The following BICD1 variants were observed in gnomAD, a reference collection of about 807,000 sequenced individuals.
BICD1 encodes the protein BICD cargo adaptor 1.
In BICD1, 35 loss-of-function variants were observed where a neutral mutation model predicts 92.5. That is an observed-to-expected ratio of 0.38 (90% CI 0.29 to 0.50). The LOEUF is 0.50. Ranked by LOEUF, BICD1 falls within the 20% of genes least tolerant of loss-of-function variation. BICD1 has a pLI of 0.93. For missense variants in BICD1, 950 were observed against 1,189.8 expected (o/e 0.80, Z 2.97); for synonymous variants, 429 against 465.1 (o/e 0.92, Z 1.00).
intron 2 of BICD1, among the ~76,000 whole-genome samples, chr12:32,267,633 CTTAT>C (rs56209145): frequency 0.058 from 8,748 of 151,904 alleles, 295 homozygotes; most frequent in South Asian, 0.11. Context: ...TTTTTTGTTT[CTTAT>C]TTAAGAAATT....
chr12:32,312,173 G>T (rs7972212), intron 4 of BICD1, among the ~76,000 whole-genome samples: 34,454 of 150,734 alleles, frequency 0.23, 4,320 homozygotes, highest in East Asian at 0.59. Context: ...ATTTGTCTCT[G>T]CCATGCCTTT....
intron 3 of BICD1, among the ~76,000 whole-genome samples, chr12:32,300,969 G>A (rs1454956058): frequency 6.6e-6 from 1 of 151,984 alleles, no homozygotes; most frequent in Non-Finnish European, 1.5e-5. Context: ...CAGTATTTAA[G>A]CAGGCCTGAA....
chr12:32,175,683 T>TA (rs2121518670), intron 1 of BICD1, among the ~76,000 whole-genome samples: 1 of 152,304 alleles, frequency 6.6e-6, no homozygotes, highest in South Asian at 2.1e-4. Flanking sequence ...CCCAATTTTT[T>TA]CCTTAACTTT....
At chr12:32,319,713 G>T (rs1214554851) in intron 4 of BICD1, among the ~76,000 whole-genome samples, 1 of 152,054 alleles carries the variant, frequency 6.6e-6, no homozygotes, top group Non-Finnish European at 1.5e-5. Flanking sequence ...AAGTAGCTAG[G>T]ATTACAGGTG....
intron 1 of BICD1, among the ~76,000 whole-genome samples, chr12:32,161,706 A>G (rs781241664): frequency 5.3e-5 from 8 of 152,220 alleles, no homozygotes; most frequent in Admixed American, 4.6e-4. Flanking sequence ...TTGAATTCAT[A>G]TAGTTATTTT....
intron 1 of BICD1, among the ~76,000 whole-genome samples, chr12:32,117,938 C>T (rs1281655389): frequency 2.7e-5 from 4 of 150,844 alleles, no homozygotes; most frequent in Non-Finnish European, 5.9e-5. Flanking sequence ...TTAGTAGAGA[C>T]AGGGTTTCTC....
At chr12:32,147,208 A>C (rs1272412209) in intron 1 of BICD1, among the ~76,000 whole-genome samples, 3 of 152,162 alleles carry the variant, frequency 2.0e-5, no homozygotes, top group Admixed American at 1.3e-4. Context: ...CTGGGATTAC[A>C]TATATGAGCC....
chr12:32,377,714 C>T lies in BICD1; in HGVS notation c.*87C>T. Reference sequence around the variant, plus strand: ...CCCAAGATCCAGCGGGTGTTTTCTTCTCGGTTGTTAGATGTACAATTGGAT... The same window carrying T: ...CCCAAGATCCAGCGGGTGTTTTCTTTTCGGTTGTTAGATGTACAATTGGAT... On this transcript the variant is annotated 3_prime_UTR_variant, in exon 10 of 10. Coordinates refer to ENST00000652176, the MANE Select transcript of BICD1 (RefSeq NM_001714.4). The T allele has an allele frequency of 8.2e-7, 1 of 1,223,766 alleles. No homozygotes were observed. Among genetic ancestry groups the T allele is most frequent in the Non-Finnish European group, 1.2e-6 (1 of 830,716 alleles). The allele number at this position is 1,223,766 out of a possible 1,614,324, so 75.8% of individuals were successfully genotyped here. A position where few individuals can be genotyped will look rare whatever the true frequency, so the allele number is the denominator to read the frequency against.
At chr12:32,147,584 T>C (rs759927614) in intron 1 of BICD1, among the ~76,000 whole-genome samples, 1 of 152,246 alleles carries the variant, frequency 6.6e-6, no homozygotes, top group African/African-American at 2.4e-5. Context: ...AAAAACATCT[T>C]CAAGGCTCCT....
Position 32,142,453 on chromosome 12 carries a change from CCTAT to C in BICD1, c.213+34942_213+34945del, listed in dbSNP as rs71065001. 2.4e-3 allele frequency among the ~76,000 whole-genome samples: 267 copies of C among 112,890 alleles called. 5 individuals carry two copies. In the South Asian group the frequency reaches 0.029, roughly 12 times the overall value. 74.1% of individuals were successfully genotyped at this position (112,890 alleles called of 152,430 possible). On this transcript the variant is annotated intron_variant, in intron 1 of 9. Coordinates refer to ENST00000652176, the MANE Select transcript of BICD1 (RefSeq NM_001714.4). ...AAAACAAAAAACCCCACCTATCTAT[CCTAT>C]CTATCTATCTATCTATCTATCTATC... is the stretch of plus-strand genomic sequence containing the variant.
chr12:32,326,863 A>G lies in BICD1; in HGVS notation c.1006-598A>G, dbSNP rs185870778. On this transcript the variant is annotated intron_variant, in intron 4 of 9. Coordinates refer to ENST00000652176, the MANE Select transcript of BICD1 (RefSeq NM_001714.4). ...GTGCCACTGCACTCCAGTGTGGGTG[A>G]CAGAGCGAGACCCTGTCTTAAAAAA... 1.9e-3 allele frequency among the ~76,000 whole-genome samples: 294 copies of G among 152,326 alleles called. 1 individual carries two copies. Among genetic ancestry groups the G allele is most frequent in the Non-Finnish European group, 8.5e-4 (58 of 68,032 alleles).
chr12:32,275,944 C>T (rs1947263413), intron 2 of BICD1, among the ~76,000 whole-genome samples: 1 of 152,092 alleles, frequency 6.6e-6, no homozygotes, highest in South Asian at 2.1e-4. Flanking sequence ...GGCCAAGAAC[C>T]CCAGGTCAGA....
chr12:32,231,126 G>A (rs887296762), intron 2 of BICD1, among the ~76,000 whole-genome samples: 9 of 151,994 alleles, frequency 5.9e-5, no homozygotes, highest in African/African-American at 1.9e-4. Context: ...AGGTTATTTT[G>A]GGGAGATGAT....
chr12:32,294,910 C>T (rs1486337474), intron 3 of BICD1, among the ~76,000 whole-genome samples: 1 of 151,448 alleles, frequency 6.6e-6, no homozygotes, highest in Non-Finnish European at 1.5e-5. Flanking sequence ...GATGAAACCC[C>T]GTCTCTACTA....
Position 32,191,927 on chromosome 12 carries a change from A to G in BICD1, c.214-24320A>G, listed in dbSNP as rs533519930. ...TGAGACACAACAGTATTGAGATTAA[A>G]CCAATTAATAACCCTATAATGGCCT... On this transcript the variant is annotated intron_variant, in intron 1 of 9. Coordinates refer to ENST00000652176, the MANE Select transcript of BICD1 (RefSeq NM_001714.4). 3.3e-5 allele frequency among the ~76,000 whole-genome samples: 5 copies of G among 152,064 alleles called. No homozygotes were observed. The South Asian group carries it at 1.0e-3, about 32-fold the overall frequency.
rs750663918 is a variant in BICD1, at chr12:32,327,880, G to C, written c.1425G>C (p.Glu475Asp). ...CAAGCCTTGAGAAGACCACCAAGGAGAGTGGTGAGAAGATGGCCCACATGG... is the reference window on the plus strand; with the variant it reads ...CAAGCCTTGAGAAGACCACCAAGGACAGTGGTGAGAAGATGGCCCACATGG... ...QVTSLEKTTK[E>D]SGEKMAHMEK... The change falls in exon 5 of 10, where the codon GAG becomes GAC. Residue 475 changes from glutamate (E) to aspartate (D), a missense_variant. Glu to Asp is a conservative substitution (Grantham distance 45). This residue lies in a region of BICD1 where 309 missense variants were observed against 499.4 expected (regional missense o/e 0.62). Coordinates refer to ENST00000652176, the MANE Select transcript of BICD1 (RefSeq NM_001714.4). 5.0e-6 allele frequency: 8 copies of C among 1,614,058 alleles called. No homozygotes were observed. Among genetic ancestry groups the C allele is most frequent in the Non-Finnish European group, 6.8e-6 (8 of 1,180,056 alleles).
At chr12:32,151,256 T>C (rs1943278198) in intron 1 of BICD1, among the ~76,000 whole-genome samples, 1 of 152,230 alleles carries the variant, frequency 6.6e-6, no homozygotes, top group Non-Finnish European at 1.5e-5. Context: ...TGCAGCTGCC[T>C]GTGATGGAGC....
chr12:32,338,705 T>C, intron 7 of BICD1, 81 bp from the exon 8 acceptor site: 2 of 1,152,472 alleles, frequency 1.7e-6, no homozygotes, highest in African/African-American at 1.6e-5. Context: ...TAAATAATGT[T>C]GTCACTGGTG....
intron 1 of BICD1, among the ~76,000 whole-genome samples, chr12:32,170,924 C>A (rs1272819484): frequency 6.6e-6 from 1 of 152,166 alleles, no homozygotes; most frequent in African/African-American, 2.4e-5. Context: ...CCTGATCTAG[C>A]CAATCCTGTC....
Sources: gnomAD v4.1 joint callset for allele counts (sites outside exome capture counted in the v4.1 genomes callset) on GRCh38, gnomAD v4.1.1 for gene constraint, gnomAD v4.1.1 regional missense constraint, MANE v1.5 for transcripts, NCBI Gene and HGNC (gene_info 2026-07-23, HGNC 2026-07-21) for gene names.